Variants in NFATC4 observed in about 807,000 individuals in gnomAD.
NFATC4 encodes the protein nuclear factor of activated T-cells, cytoplasmic 4.
Under a neutral mutation model 73.4 loss-of-function variants are expected in NFATC4, and 25 were observed. The ratio of observed to expected loss-of-function variants is 0.34; its 90% CI spans 0.25 to 0.48. The LOEUF is 0.48. Ranked by LOEUF, NFATC4 falls within the 20% of genes least tolerant of loss-of-function variation. The probability of loss-of-function intolerance (pLI) is 0.99; values close to 1 mark genes in which losing one functional copy is unlikely to be tolerated. For missense variants in NFATC4, 1,130 were observed against 1,203.7 expected (o/e 0.94, Z 0.91); for synonymous variants, 523 against 510.3 (o/e 1.02, Z -0.34).
chr14:24,369,555 C>G lies in NFATC4; in HGVS notation c.157C>G (p.Pro53Ala). 1 of 1,610,932 alleles carries G rather than the reference C, an allele frequency of 6.2e-7. No individual in the cohort carries two copies. Among genetic ancestry groups the G allele is most frequent in the Non-Finnish European group, 8.5e-7 (1 of 1,177,938 alleles). ...CCGTCTGGCCTTGGGAGAGCCCCCTCCCTATGGCGCTGCACCTATCGGTAT... is the reference window on the plus strand; with the variant it reads ...CCGTCTGGCCTTGGGAGAGCCCCCTGCCTATGGCGCTGCACCTATCGGTAT... ...CCRLALGEPP[P>A]YGAAPIGIPR... The change falls in exon 2 of 10, where the codon CCC becomes GCC. Residue 53 changes from proline (P) to alanine (A), a missense_variant. This residue lies in a region of NFATC4 where 585 missense variants were observed against 574.3 expected (regional missense o/e 1.02). Coordinates refer to ENST00000250373, the MANE Select transcript of NFATC4 (RefSeq NM_004554.5).
chr14:24,373,873 C>T lies in NFATC4; in HGVS notation c.1732+6C>T. ...ATCGGTGCCCATCGAGTGCTGTGAG[C>T]AAAGAGGCCCTGGGCCATGTCTCTG... On this transcript the variant is annotated splice_donor_region_variant and intron_variant, in intron 5 of 9. Transcript: ENST00000250373. This position sits in a 1 kb window ranked among gnomAD's most constrained non-coding sequence, Gnocchi z 4.7. 6.2e-7 allele frequency: 1 copy of T among 1,613,928 alleles called. No homozygotes were observed. Among genetic ancestry groups the T allele is most frequent in the South Asian group, 1.1e-5 (1 of 91,086 alleles).
In NFATC4 at chr14:24,376,134, A is replaced by G. The variant is rs756523983; in HGVS notation, c.2056+33A>G. 2.7e-5 allele frequency: 43 copies of G among 1,613,480 alleles called. No homozygotes were observed. The Admixed American group carries it at 4.5e-4, about 17-fold the overall frequency. On this transcript the variant is annotated intron_variant, in intron 8 of 9. Transcript: ENST00000250373. The surrounding 1 kb of genome is among the most constrained non-coding windows in gnomAD (Gnocchi z 5.0). ...CTGGGACAGCCCATGGTGGGGGTAT[A>G]GGGATATGGGGAGCTGGAGCAGGAG...
At chr14:24,372,398 G>C (rs959732854) in intron 2 of NFATC4, 43 bp from the exon 3 acceptor site, 43 of 1,598,822 alleles carry the variant, frequency 2.7e-5, no homozygotes, top group Non-Finnish European at 3.7e-5. Flanking sequence ...GCCTGACTGG[G>C]GTCTGAGGCT....
At chr14:24,366,989 G>T (rs2042326315), upstream of NFATC4, 8 of 1,598,130 alleles carry the variant, frequency 5.0e-6, no homozygotes, top group Non-Finnish European at 6.8e-6. Flanking sequence ...GCCCTGAACC[G>T]GAGGGATTTA....
chr14:24,373,381 T>G lies in NFATC4; in HGVS notation c.1559+11T>G. On this transcript the variant is annotated intron_variant, in intron 4 of 9. Coordinates refer to ENST00000250373, the MANE Select transcript of NFATC4 (RefSeq NM_004554.5). This position sits in a 1 kb window ranked among gnomAD's most constrained non-coding sequence, Gnocchi z 4.7. ...CAACATGGCGGCCAAGTAAGTCCCA[T>G]GCAACTTCCCCTCAGTCCGCAGGCT... 1 of 1,613,398 alleles carries G rather than the reference T, an allele frequency of 6.2e-7. No homozygotes were observed. The highest frequency in any genetic ancestry group is 8.5e-7 in the Non-Finnish European group (1 of 1,179,972).
chr14:24,369,836 C>T lies in NFATC4; in HGVS notation c.438C>T (p.Tyr146=), dbSNP rs757079371. The change falls in exon 2 of 10, where the codon TAC becomes TAT. Residue 146 remains tyrosine, a synonymous_variant. Transcript: ENST00000250373. Reference sequence around the variant, plus strand: ...GGGGGGACGGCTCTCCTAGAGATTACCCCCCACCAGAAGGCTTTGGGGGCT... The same window carrying T: ...GGGGGGACGGCTCTCCTAGAGATTATCCCCCACCAGAAGGCTTTGGGGGCT... The part of the protein sequence containing the change: ...DAWGDGSPRD[Y]PPPEGFGGYR... The T allele has an allele frequency of 1.9e-6, 3 of 1,604,474 alleles. No homozygotes were observed. Among genetic ancestry groups the T allele is most frequent in the African/African-American group, 1.3e-5 (1 of 74,778 alleles).
Position 24,378,042 on chromosome 14 carries a change from G to A in NFATC4, c.*337G>A, listed in dbSNP as rs1262743063. ...GGGGACAGGTTGATGGTAATAAACT[G>A]CTCAATGACCAGTGCTTCAGGCTCC... On this transcript the variant is annotated 3_prime_UTR_variant, in exon 10 of 10. Transcript: ENST00000250373. 2 of 369,892 alleles carry A rather than the reference G, an allele frequency of 5.4e-6. No homozygotes were observed. Among genetic ancestry groups the A allele is most frequent in the Non-Finnish European group, 1.0e-5 (2 of 197,974 alleles). 22.9% of individuals were successfully genotyped at this position (369,892 alleles called of 1,614,324 possible).
At chr14:24,372,636 C>T in intron 3 of NFATC4, 33 bp downstream of exon 3, 10 of 1,613,076 alleles carry the variant, frequency 6.2e-6, no homozygotes, top group Non-Finnish European at 8.5e-6. Flanking sequence ...GATATCCTCT[C>T]TCCTCTCCCA....
chr14:24,370,635 C>G (rs1268009960), intron 2 of NFATC4, 41 bp downstream of exon 2: 2 of 1,567,362 alleles, frequency 1.3e-6, no homozygotes, highest in Non-Finnish European at 1.7e-6. Flanking sequence ...TCTAGCCATT[C>G]CAGTAGGGGA....
rs1396376103 is a variant in NFATC4 at position 24,369,656 on chromosome 14, G to C, written c.258G>C (p.Glu86Asp). Residue 86 changes from glutamate to aspartate, a missense_variant, in exon 2 of 10, where the codon GAG becomes GAC. Physicochemically the swap from Glu to Asp is conservative, Grantham distance 45. This residue lies in a region of NFATC4 where 585 missense variants were observed against 574.3 expected (regional missense o/e 1.02). Coordinates refer to ENST00000250373, the MANE Select transcript of NFATC4 (RefSeq NM_004554.5). Reference protein sequence around the residue: ...PRPAPSPGTWESQPARSVRLG... With the variant: ...PRPAPSPGTWDSQPARSVRLG... ...CAGCCCCCTCACCTGGCACCTGGGA[G>C]AGCCAGCCCGCCAGGTCGGTGAGGC... The C allele has an allele frequency of 1.2e-6, 2 of 1,612,988 alleles. No homozygotes were observed. The highest frequency in any genetic ancestry group is 1.7e-6 in the Non-Finnish European group (2 of 1,179,674).
chr14:24,376,623 G>C lies in NFATC4; in HGVS notation c.2386G>C (p.Gly796Arg). ...CCCTAGTGACCCGTATGGAGGGCGGGGCTCCTCTTTCTCCCTGGGGCTGCC... is the reference window on the plus strand; with the variant it reads ...CCCTAGTGACCCGTATGGAGGGCGGCGCTCCTCTTTCTCCCTGGGGCTGCC... ...PFPSDPYGGR[G>R]SSFSLGLPFS... Residue 796 changes from glycine (G) to arginine (R), a missense_variant, in exon 9 of 10, where the codon GGC (glycine) becomes CGC (arginine). Transcript: ENST00000250373. This position sits in a 1 kb window ranked among gnomAD's most constrained non-coding sequence, Gnocchi z 5.0. The C allele has an allele frequency of 6.2e-7, 1 of 1,613,548 alleles. No individual in the cohort carries two copies. Among genetic ancestry groups the C allele is most frequent in the Non-Finnish European group, 8.5e-7 (1 of 1,179,864 alleles).
chr14:24,375,641 C>T lies in NFATC4; in HGVS notation c.1874-19C>T, dbSNP rs2042592124. 2 of 1,547,066 alleles carry T rather than the reference C, an allele frequency of 1.3e-6. No individual in the cohort carries two copies. Among genetic ancestry groups the T allele is most frequent in the Non-Finnish European group, 1.7e-6 (2 of 1,143,896 alleles). ...GGGGCGCTGGAGTTGGGCTGCAGCTCTCTGTTCCCTCTGGACAGATGGGAA... is the reference window on the plus strand; with the variant it reads ...GGGGCGCTGGAGTTGGGCTGCAGCTTTCTGTTCCCTCTGGACAGATGGGAA... On this transcript the variant is annotated intron_variant, in intron 6 of 9. Coordinates refer to ENST00000250373, the MANE Select transcript of NFATC4 (RefSeq NM_004554.5).
At chr14:24,368,524 C>T in intron 1 of NFATC4, 84 bp downstream of exon 1, 1 of 1,195,216 alleles carries the variant, frequency 8.4e-7, no homozygotes, top group Non-Finnish European at 1.0e-6. Context: ...AGGCAGCGAG[C>T]CTAGGGTGGG....
intron 7 of NFATC4, 41 bp downstream of exon 7, chr14:24,375,756 G>T: frequency 1.1e-6 from 1 of 900,790 alleles, no homozygotes; most frequent in Non-Finnish European, 1.7e-6. Flanking sequence ...GGCGGGGGTG[G>T]GAGAAGGCAG....
intron 6 of NFATC4, 49 bp from the exon 7 acceptor site, chr14:24,375,611 G>A (rs755877796): frequency 6.5e-7 from 1 of 1,547,022 alleles, no homozygotes; most frequent in Non-Finnish European, 8.8e-7. Context: ...CTAGGGCAGG[G>A]GACAGGGGCG....
chr14:24,372,847 G>T, intron 3 of NFATC4: 2 of 613,138 alleles, frequency 3.3e-6, no homozygotes, highest in Non-Finnish European at 5.7e-6. Flanking sequence ...TCTGGAAAAT[G>T]GTGGCCCGCC....
intron 3 of NFATC4, 197 bp downstream of exon 3, chr14:24,372,800 C>T: frequency 1.5e-6 from 1 of 662,618 alleles, no homozygotes. Flanking sequence ...TCCACCCCCA[C>T]TCAGCTCATC....
In NFATC4 at chr14:24,377,419, G is replaced by A. The variant is rs2042653449; in HGVS notation, c.2642-219G>A. The A allele has an allele frequency of 7.1e-7, 1 of 1,418,290 alleles. No homozygotes were observed. The highest frequency in any genetic ancestry group is 2.5e-5 in the East Asian group (1 of 39,326). The allele number at this position is 1,418,290 out of a possible 1,614,324, so 87.9% of individuals were successfully genotyped here. On this transcript the variant is annotated intron_variant, in intron 9 of 9. Coordinates refer to ENST00000250373, the MANE Select transcript of NFATC4 (RefSeq NM_004554.5). This position sits in a 1 kb window ranked among gnomAD's most constrained non-coding sequence, Gnocchi z 4.2. ...AGCCAGCAGGAAAGGGCTAGGACGG[G>A]TGCCTGGGAGCCCACATGGAGGGAG...
rs975667642 is a variant in NFATC4 at position 24,377,890 on chromosome 14, C to T, written c.*185C>T. ...TGAGGTGTGGCCCTCAGGCCTGGTG[C>T]TGCCTTGGAGGGCTGGGGGAAGGAG... On this transcript the variant is annotated 3_prime_UTR_variant, in exon 10 of 10. Transcript: ENST00000250373. The surrounding 1 kb of genome is among the most constrained non-coding windows in gnomAD (Gnocchi z 4.2). 8 of 1,266,752 alleles carry T rather than the reference C, an allele frequency of 6.3e-6. No individual in the cohort carries two copies. Among genetic ancestry groups the T allele is most frequent in the Non-Finnish European group, 8.6e-6 (8 of 935,562 alleles). 78.5% of individuals were successfully genotyped at this position (1,266,752 alleles called of 1,614,324 possible).
Sources: allele counts gnomAD v4.1 joint callset, GRCh38; gene constraint gnomAD v4.1.1; regional missense constraint gnomAD v4.1.1; non-coding constraint Gnocchi (gnomAD v3.1); transcripts MANE v1.5; gene names NCBI Gene and HGNC (gene_info 2026-07-23, HGNC 2026-07-21).